The following ZFHX3 variants were observed in gnomAD, a reference collection of about 807,000 sequenced individuals.
ZFHX3 encodes the protein zinc finger homeobox 3.
In ZFHX3, 42 loss-of-function variants were observed where a neutral mutation model predicts 279.1. That is an observed-to-expected ratio of 0.15 (90% confidence interval 0.12 to 0.19). The LOEUF is 0.19. Ranked by LOEUF, ZFHX3 falls within the 10% of genes least tolerant of loss-of-function variation. The pLI is 1.00. For synonymous variants in ZFHX3, 2,293 were observed against 1,957.8 expected, an observed-to-expected ratio of 1.17 and a Z score of -4.52; for missense variants, 4,981 against 4,754.0, an observed-to-expected ratio of 1.05 and a Z score of -1.40.
At chr16:72,925,303 C>T (rs1301176995) in intron 3 of ZFHX3, among the ~76,000 whole-genome samples, 1 of 152,220 alleles carries the variant, frequency 6.6e-6, no homozygotes, top group African/African-American at 2.4e-5. Context: ...TAGAGTGAGT[C>T]AACTGCGCTT....
chr16:73,631,913 TCTCTCTCTCTCTCTCACACACACACA>T (rs1176025711), intron 2 of ZFHX3, among the ~76,000 whole-genome samples: 1 of 106,740 alleles, frequency 9.4e-6, no homozygotes, highest in Non-Finnish European at 1.9e-5. Context: ...TCTCTCTCTC[TCTCTCTCTCTCTCTCACACACACACA>T]CACACACACA....
intron 2 of ZFHX3, among the ~76,000 whole-genome samples, chr16:73,630,089 T>C (rs1246428289): frequency 6.6e-6 from 1 of 152,176 alleles, no homozygotes; most frequent in African/African-American, 2.4e-5. Context: ...ACAGGTGTCA[T>C]GATATTTCAG....
chr16:73,148,434 G>A (rs1254232159), intron 5 of ZFHX3, among the ~76,000 whole-genome samples: 1 of 151,972 alleles, frequency 6.6e-6, no homozygotes, highest in Non-Finnish European at 1.5e-5. Context: ...GTTCCATGCA[G>A]CAATTTGAAA....
intron 7 of ZFHX3, among the ~76,000 whole-genome samples, chr16:73,116,508 C>T (rs1485970140): frequency 1.3e-5 from 2 of 152,118 alleles, no homozygotes; most frequent in Non-Finnish European, 2.9e-5. Context: ...GGCTGGGAAG[C>T]TGGAGGCCTC....
chr16:73,512,272 CAAAAA>C (rs3087038), intron 2 of ZFHX3, among the ~76,000 whole-genome samples: 28,331 of 87,624 alleles, frequency 0.32, 3,562 homozygotes, highest in East Asian at 0.55. Context: ...CACTAAAATA[CAAAAA>C]AAAAAAAAAA....
chr16:73,358,134 A>C (rs1328622971), intron 3 of ZFHX3, among the ~76,000 whole-genome samples: 2 of 152,170 alleles, frequency 1.3e-5, no homozygotes, highest in Non-Finnish European at 2.9e-5. Flanking sequence ...AGCTTCTTTG[A>C]GACGCCTTGC....
intron 2 of ZFHX3, among the ~76,000 whole-genome samples, chr16:73,471,973 A>G (rs2018676036): frequency 6.6e-6 from 1 of 152,074 alleles, no homozygotes; most frequent in Non-Finnish European, 1.5e-5. Flanking sequence ...GTGATGCTCA[A>G]TTGATCCAGT....
intron 2 of ZFHX3, among the ~76,000 whole-genome samples, chr16:73,570,646 T>G (rs2051724693): frequency 6.6e-6 from 1 of 152,180 alleles, no homozygotes; most frequent in Non-Finnish European, 1.5e-5. Context: ...GATCTTTCTA[T>G]ATTAAAAGAA....
At chr16:73,300,137 G>A (rs1349281163) in intron 4 of ZFHX3, among the ~76,000 whole-genome samples, 1 of 152,052 alleles carries the variant, frequency 6.6e-6, no homozygotes, top group Non-Finnish European at 1.5e-5. Flanking sequence ...GTGTGCACCT[G>A]TAGTCTCAGC....
intron 4 of ZFHX3, among the ~76,000 whole-genome samples, chr16:73,290,252 A>C (rs1198238284): frequency 6.6e-6 from 1 of 152,070 alleles, no homozygotes; most frequent in Non-Finnish European, 1.5e-5. Flanking sequence ...TAACCAAACG[A>C]TGGGAAGTGA....
intron 1 of ZFHX3, among the ~76,000 whole-genome samples, chr16:73,767,024 C>A (rs2053955782): frequency 6.6e-6 from 1 of 151,678 alleles, no homozygotes. Flanking sequence ...CAACCTCCAC[C>A]TCCCGGATGC....
chr16:73,665,070 C>A (rs1229173629), intron 2 of ZFHX3, among the ~76,000 whole-genome samples: 1 of 152,152 alleles, frequency 6.6e-6, no homozygotes, highest in East Asian at 1.9e-4. Flanking sequence ...ACTATTGTCC[C>A]TGCTCTCACG....
At chr16:73,525,007 G>C (rs968684757) in intron 2 of ZFHX3, among the ~76,000 whole-genome samples, 20 of 152,122 alleles carry the variant, frequency 1.3e-4, no homozygotes, top group African/African-American at 4.3e-4. Context: ...TCGAGGTAGA[G>C]CTGTGACTGG....
chr16:72,854,012 C>G (rs1448734236), intron 4 of ZFHX3, among the ~76,000 whole-genome samples: 2 of 151,816 alleles, frequency 1.3e-5, no homozygotes, highest in Admixed American at 1.3e-4. Context: ...CAAAACAAAG[C>G]ACTAGTTAAA....
intron 3 of ZFHX3, among the ~76,000 whole-genome samples, chr16:72,900,616 G>C (rs1409988392): frequency 6.6e-6 from 1 of 152,228 alleles, no homozygotes; most frequent in East Asian, 1.9e-4. Flanking sequence ...GGTGGGCTTG[G>C]TGATGGATGA....
intron 2 of ZFHX3, among the ~76,000 whole-genome samples, chr16:73,648,670 C>T (rs559924099): frequency 2.0e-5 from 3 of 152,268 alleles, no homozygotes; most frequent in African/African-American, 7.2e-5. Flanking sequence ...CCTTGGCCTC[C>T]CAAAGTGCTG....
intron 1 of ZFHX3, among the ~76,000 whole-genome samples, chr16:73,742,379 G>A (rs2053666642): frequency 6.6e-6 from 1 of 152,156 alleles, no homozygotes; most frequent in African/African-American, 2.4e-5. Context: ...ATTGGCTATT[G>A]TTTCCATAGT....
chr16:73,867,514 G>A (rs1962056060), intron 1 of ZFHX3, among the ~76,000 whole-genome samples: 1 of 152,118 alleles, frequency 6.6e-6, no homozygotes, highest in South Asian at 2.1e-4. Flanking sequence ...AGCCAAGGTG[G>A]GGTTTCTCCC....
At chr16:73,561,325 A>T (rs1323858182) in intron 2 of ZFHX3, among the ~76,000 whole-genome samples, 9 of 152,214 alleles carry the variant, frequency 5.9e-5, no homozygotes, top group Non-Finnish European at 8.8e-5. Flanking sequence ...TGCATTTATG[A>T]ATTTTTTAAA....
Sources: allele counts gnomAD v4.1 joint callset (sites outside exome capture counted in the v4.1 genomes callset), GRCh38; gene constraint gnomAD v4.1.1; transcripts MANE v1.5; gene names NCBI Gene and HGNC (gene_info 2026-07-23, HGNC 2026-07-21).